Variants in XYLB observed in about 807,000 individuals in gnomAD.
The protein encoded by XYLB is xylulokinase, also known as xylulose kinase.
XYLB carries 62 observed loss-of-function variants against 78.7 expected under a neutral mutation model. That is an observed-to-expected ratio of 0.79 (90% CI 0.64 to 0.97). The LOEUF is 0.97. Among genes scored for constraint, XYLB ranks in the 50% least tolerant of loss-of-function variants. XYLB has a pLI of 0.00. For missense variants in XYLB, 687 were observed against 676.8 expected (o/e 1.02, Z -0.17); for synonymous variants, 245 against 247.4 (o/e 0.99, Z 0.09).
chr3:38,441,384 T>A, the XYLB span, among the ~76,000 whole-genome samples: 1 of 152,270 alleles, frequency 6.6e-6, no homozygotes, highest in African/African-American at 2.4e-5. Flanking sequence ...AACTATGGCA[T>A]AACCTGCCCT....
At chr3:38,371,774 A>G (rs1706577811) in intron 9 of XYLB, among the ~76,000 whole-genome samples, 1 of 152,154 alleles carries the variant, frequency 6.6e-6, no homozygotes, top group African/African-American at 2.4e-5. Context: ...ATCAGCATCC[A>G]AAGTATGCCA....
At chr3:38,392,149 ACT>A (rs774349457) in intron 15 of XYLB, among the ~76,000 whole-genome samples, 6 of 152,050 alleles carry the variant, frequency 3.9e-5, no homozygotes, top group Non-Finnish European at 8.8e-5. Flanking sequence ...TCAGTTGTGT[ACT>A]CTCAGCAGCA....
At chr3:38,386,675 A>C (rs1450565248) in intron 15 of XYLB, among the ~76,000 whole-genome samples, 2 of 152,128 alleles carry the variant, frequency 1.3e-5, no homozygotes, top group Non-Finnish European at 2.9e-5. Context: ...TAATTTGAAA[A>C]GTCTGGTTTG....
chr3:38,386,219 G>A (rs1442177755), intron 15 of XYLB, among the ~76,000 whole-genome samples: 1 of 151,968 alleles, frequency 6.6e-6, no homozygotes, highest in African/African-American at 2.4e-5. Flanking sequence ...ACCCTTACCT[G>A]TGTTGTCTCT....
chr3:38,415,256 A>G (rs540556296), downstream of XYLB, among the ~76,000 whole-genome samples: 11 of 152,346 alleles, frequency 7.2e-5, no homozygotes, highest in South Asian at 2.3e-3. Flanking sequence ...GCTGTCCTTT[A>G]AGTATCAAGG....
chr3:38,367,862 A>T (rs1162546206), intron 7 of XYLB, among the ~76,000 whole-genome samples: 6 of 152,182 alleles, frequency 3.9e-5, no homozygotes, highest in Non-Finnish European at 5.9e-5. Flanking sequence ...CAGGGCACAC[A>T]TTCCCCAGCA....
intron 15 of XYLB, among the ~76,000 whole-genome samples, chr3:38,388,594 G>T (rs1443776528): frequency 4.6e-5 from 7 of 152,148 alleles, no homozygotes; most frequent in Non-Finnish European, 2.9e-5. Context: ...TGTAACTAGG[G>T]TTGGTTTTTA....
rs1706643958 is a variant in XYLB, at chr3:38,372,844, C to T, written c.847+108C>T. 3.4e-6 allele frequency: 4 copies of T among 1,162,782 alleles called. No homozygotes were observed. In the Admixed American group the frequency reaches 7.4e-5, roughly 22 times the overall value. 72.0% of individuals were successfully genotyped at this position (1,162,782 alleles called of 1,614,324 possible). A position where few individuals can be genotyped will look rare whatever the true frequency, so the allele number is the denominator to read the frequency against. On this transcript the variant is annotated intron_variant, in intron 10 of 18. Coordinates refer to ENST00000207870, the MANE Select transcript of XYLB (RefSeq NM_005108.4). ...GGTGAAACCTTCTGTGGTCATTCCT[C>T]ACCACCCCCACCCATGCTGGATGTT...
chr3:38,398,873 A>G (rs1165190491), intron 17 of XYLB, among the ~76,000 whole-genome samples: 7 of 151,426 alleles, frequency 4.6e-5, no homozygotes, highest in Admixed American at 3.9e-4. Context: ...AATACAAAAA[A>G]AAAAAGAAAA....
downstream of XYLB, among the ~76,000 whole-genome samples, chr3:38,415,443 G>A (rs1708755271): frequency 6.6e-6 from 1 of 151,982 alleles, no homozygotes; most frequent in African/African-American, 2.4e-5. Flanking sequence ...ATGGAAGTGG[G>A]GATAAGGGTG....
the XYLB span, among the ~76,000 whole-genome samples, chr3:38,450,197 C>T: frequency 6.6e-6 from 1 of 152,266 alleles, no homozygotes; most frequent in Middle Eastern, 3.4e-3. Context: ...ACCAGGGCCT[C>T]TCAGAAACTG....
intron 1 of XYLB, among the ~76,000 whole-genome samples, chr3:38,347,873 G>A (rs181003756): frequency 3.4e-3 from 524 of 152,322 alleles, no homozygotes; most frequent in African/African-American, 0.012. Flanking sequence ...GTGACCGGGG[G>A]CACCTTTTCC....
chr3:38,448,133 C>T, the XYLB span, among the ~76,000 whole-genome samples: 14 of 151,568 alleles, frequency 9.2e-5, no homozygotes, highest in Non-Finnish European at 1.6e-4. Context: ...TGAACTAAGC[C>T]AGGCACAACA....
At chr3:38,400,276 C>T (rs908585981) in intron 17 of XYLB, among the ~76,000 whole-genome samples, 4 of 152,136 alleles carry the variant, frequency 2.6e-5, no homozygotes, top group South Asian at 2.1e-4. Context: ...GTGGACTTTA[C>T]AGCTCAGCAA....
Position 38,413,093 on chromosome 3 carries a change from T to G in XYLB, c.*80T>G, listed in dbSNP as rs1708664692. On this transcript the variant is annotated 3_prime_UTR_variant, in exon 19 of 19. Transcript: ENST00000207870. Reference sequence around the variant, plus strand: ...ATGGCCCCAGACAGGAGGGATCCACTTCTCTGTTCTGAACAGCTCTTCCTG... The same window carrying G: ...ATGGCCCCAGACAGGAGGGATCCACGTCTCTGTTCTGAACAGCTCTTCCTG... 1 of 1,393,468 alleles carries G rather than the reference T, an allele frequency of 7.2e-7. No homozygotes were observed. Among genetic ancestry groups the G allele is most frequent in the South Asian group, 1.4e-5 (1 of 72,056 alleles). 86.3% of individuals were successfully genotyped at this position (1,393,468 alleles called of 1,614,324 possible). A position where few individuals can be genotyped will look rare whatever the true frequency, so the allele number is the denominator to read the frequency against.
intron 2 of XYLB, among the ~76,000 whole-genome samples, chr3:38,359,032 A>C (rs945335434): frequency 6.6e-6 from 1 of 152,236 alleles, no homozygotes; most frequent in African/African-American, 2.4e-5. Context: ...AAGACCCAGA[A>C]ATAAAGTGCA....
At chr3:38,357,054 A>T (rs1181696937) in intron 2 of XYLB, 1 of 152,270 alleles carries the variant, frequency 6.6e-6, no homozygotes, top group Non-Finnish European at 1.5e-5. Flanking sequence ...GGCTGTCTGC[A>T]AGCTGGAAAG....
At chr3:38,377,335 C>T (rs1402215401) in intron 14 of XYLB, among the ~76,000 whole-genome samples, 1 of 152,140 alleles carries the variant, frequency 6.6e-6, no homozygotes, top group Non-Finnish European at 1.5e-5. Flanking sequence ...CATGAATTTC[C>T]TCCTGGTTGA....
intron 8 of XYLB, 35 bp from the exon 9 acceptor site, chr3:38,370,021 A>C: frequency 6.3e-7 from 1 of 1,585,560 alleles, no homozygotes; most frequent in Non-Finnish European, 8.7e-7. Context: ...GTCCATTTTC[A>C]AGATTGTCTG....
Sources: allele counts gnomAD v4.1 joint callset (sites outside exome capture counted in the v4.1 genomes callset), GRCh38; gene constraint gnomAD v4.1.1; transcripts MANE v1.5; gene names NCBI Gene and HGNC (gene_info 2026-07-23, HGNC 2026-07-21).